Variants in DCX observed in about 807,000 individuals in gnomAD.
DCX encodes neuronal migration protein doublecortin.
In DCX, 4 loss-of-function variants were observed where a neutral mutation model predicts 20.9. That is an observed-to-expected ratio of 0.19 (90% CI 0.09 to 0.44). DCX has a LOEUF of 0.44. Ranked by LOEUF, DCX falls within the 20% of genes least tolerant of loss-of-function variation. The probability of loss-of-function intolerance (pLI) is 0.99; values close to 1 mark genes in which losing one functional copy is unlikely to be tolerated. For missense variants in DCX, 133 were observed against 296.9 expected, an observed-to-expected ratio of 0.45 and a Z score of 4.06; for synonymous variants, 103 against 111.4, an observed-to-expected ratio of 0.92 and a Z score of 0.47.
intron 3 of DCX, among the ~76,000 whole-genome samples, chrX:111,368,036 A>G (rs1569493775): frequency 9.0e-6 from 1 of 111,584 alleles, no homozygotes; most frequent in Non-Finnish European, 1.9e-5. Flanking sequence ...AGAGTTCTTT[A>G]CCATGTTTGA....
intron 6 of DCX, among the ~76,000 whole-genome samples, chrX:111,307,393 G>A (rs1191572043): frequency 9.1e-6 from 1 of 109,986 alleles, no homozygotes; most frequent in Non-Finnish European, 1.9e-5. Flanking sequence ...ACAAATGTAA[G>A]AGAAGGTTTT....
At chrX:111,319,149 G>A (rs1487866017) in intron 5 of DCX, among the ~76,000 whole-genome samples, 1 of 112,052 alleles carries the variant, frequency 8.9e-6, no homozygotes, top group Non-Finnish European at 1.9e-5. Context: ...TTTGCATTTG[G>A]TTTCTGAAGG....
At chrX:111,373,473 C>T (rs1245086738) in intron 3 of DCX, among the ~76,000 whole-genome samples, 2 of 111,747 alleles carry the variant, frequency 1.8e-5, no homozygotes, top group Non-Finnish European at 3.8e-5. Context: ...TGGTGTTTGT[C>T]GTCATTCGGG....
intron 3 of DCX, among the ~76,000 whole-genome samples, chrX:111,335,873 G>A (rs1019780509): frequency 2.7e-5 from 3 of 110,252 alleles, no homozygotes; most frequent in African/African-American, 9.9e-5. Context: ...AGAATTGCTC[G>A]AACCTGGGAG....
At chrX:111,385,686 AAAGAAAGC>A (rs1327461124) in intron 3 of DCX, among the ~76,000 whole-genome samples, 8 of 103,269 alleles carry the variant, frequency 7.7e-5, no homozygotes, top group African/African-American at 2.4e-4. Context: ...AAAGAAAGAG[AAAGAAAGC>A]AAGAAAGCAA....
chrX:111,384,607 C>A (rs144457155), intron 3 of DCX, among the ~76,000 whole-genome samples: 3 of 111,607 alleles, frequency 2.7e-5, no homozygotes, highest in African/African-American at 6.5e-5. Context: ...GGATGCATTG[C>A]GGTTTAATGA....
At chrX:111,301,842 C>A in intron 6 of DCX, 99 bp from the exon 7 acceptor site, 2 of 761,969 alleles carry the variant, frequency 2.6e-6, no homozygotes, top group Non-Finnish European at 3.9e-6. Context: ...TTAATTTTTA[C>A]AACATAATAA....
chrX:111,319,315 G>C (rs1418791399), intron 5 of DCX, among the ~76,000 whole-genome samples: 1 of 111,454 alleles, frequency 9.0e-6, no homozygotes, highest in African/African-American at 3.3e-5. Flanking sequence ...TCCAGGTGAG[G>C]GATGATGATG....
intron 3 of DCX, among the ~76,000 whole-genome samples, chrX:111,375,714 G>T (rs1925480433): frequency 8.9e-6 from 1 of 111,887 alleles, no homozygotes; most frequent in African/African-American, 3.2e-5. Flanking sequence ...ACCTTTCTCT[G>T]CTCCTCCACT....
At chrX:111,395,048 G>A (rs1257608988) in intron 3 of DCX, among the ~76,000 whole-genome samples, 5 of 111,888 alleles carry the variant, frequency 4.5e-5, no homozygotes, top group Non-Finnish European at 9.4e-5. Flanking sequence ...AAGTAAGTAC[G>A]ACATCACATT....
intron 3 of DCX, among the ~76,000 whole-genome samples, chrX:111,376,280 T>G (rs1925526973): frequency 8.9e-6 from 1 of 111,989 alleles, no homozygotes; most frequent in South Asian, 3.7e-4. Context: ...GAAGCATGCA[T>G]GCAGCAGTCA....
At chrX:111,327,109 C>G (rs774261195) in intron 5 of DCX, among the ~76,000 whole-genome samples, 3 of 112,068 alleles carry the variant, frequency 2.7e-5, no homozygotes, top group Non-Finnish European at 3.8e-5. Context: ...TAAAGAGGAG[C>G]ACTTTTGGTC....
intron 3 of DCX, among the ~76,000 whole-genome samples, chrX:111,393,197 G>T (rs936791221): frequency 9.0e-6 from 1 of 110,947 alleles, no homozygotes; most frequent in African/African-American, 3.3e-5. Flanking sequence ...ATGAACCACT[G>T]TTCATATTTA....
intron 2 of DCX, among the ~76,000 whole-genome samples, chrX:111,401,731 G>A (rs1174590885): frequency 9.0e-6 from 1 of 111,232 alleles, no homozygotes; most frequent in African/African-American, 3.3e-5. Flanking sequence ...TAAAATCCCT[G>A]TCCTATTTTT....
intron 3 of DCX, among the ~76,000 whole-genome samples, chrX:111,333,866 A>T (rs1162382413): frequency 9.0e-6 from 1 of 111,032 alleles, no homozygotes; most frequent in African/African-American, 3.3e-5. Flanking sequence ...AGTCTCCCCA[A>T]CCCCCTTTCT....
chrX:111,348,697 C>T, intron 3 of DCX, among the ~76,000 whole-genome samples: 1 of 110,139 alleles, frequency 9.1e-6, no homozygotes, highest in South Asian at 3.9e-4. Context: ...TGGCTCTGGG[C>T]CCCACACAAC....
intron 3 of DCX, among the ~76,000 whole-genome samples, chrX:111,382,663 G>C (rs929298159): frequency 1.8e-5 from 2 of 111,624 alleles, no homozygotes; most frequent in African/African-American, 3.3e-5. Context: ...AGATACAAGA[G>C]AGTGCAAGAC....
At chrX:111,344,377 A>T (rs776364187) in intron 3 of DCX, among the ~76,000 whole-genome samples, 3 of 111,934 alleles carry the variant, frequency 2.7e-5, no homozygotes, top group Non-Finnish European at 5.6e-5. Flanking sequence ...TAGTATTAGA[A>T]GTTCTGGCCA....
intron 6 of DCX, among the ~76,000 whole-genome samples, chrX:111,308,972 T>C (rs1438985605): frequency 1.8e-5 from 2 of 111,069 alleles, no homozygotes; most frequent in Non-Finnish European, 3.8e-5. Context: ...ACCTCTTTTT[T>C]TCTCATCTGT....
Sources: gnomAD v4.1 joint callset for allele counts (sites outside exome capture counted in the v4.1 genomes callset) on GRCh38, gnomAD v4.1.1 for gene constraint, MANE v1.5 for transcripts, NCBI Gene and HGNC (gene_info 2026-07-23, HGNC 2026-07-21) for gene names.